The following FGFR1 variants were observed in gnomAD, a reference collection of about 807,000 sequenced individuals.
The protein encoded by FGFR1 is FGFR1/PLAG1 fusion.
Under a neutral mutation model 93.7 loss-of-function variants are expected in FGFR1, and 18 were observed. That is an observed-to-expected ratio of 0.19 (90% CI 0.13 to 0.28). The LOEUF (loss-of-function observed/expected upper bound fraction) is 0.28. Ranked by LOEUF, FGFR1 falls within the 10% of genes least tolerant of loss-of-function variation. FGFR1 has a pLI of 1.00. For missense variants in FGFR1, 731 were observed against 1,080.4 expected, an observed-to-expected ratio of 0.68 and a Z score of 4.53; for synonymous variants, 448 against 429.3, an observed-to-expected ratio of 1.04 and a Z score of -0.54.
intron 2 of FGFR1, among the ~76,000 whole-genome samples, chr8:38,444,590 C>A (rs1189549003): frequency 6.5e-5 from 8 of 122,772 alleles, no homozygotes; most frequent in Non-Finnish European, 1.4e-4. Context: ...CAGGGTTTTA[C>A]CATGTTGGCC....
At chr8:38,449,693 T>C (rs1830452861) in intron 2 of FGFR1, among the ~76,000 whole-genome samples, 1 of 152,084 alleles carries the variant, frequency 6.6e-6, no homozygotes, top group Non-Finnish European at 1.5e-5. Context: ...CCCGGGAGGC[T>C]CAGCCACGCC....
intron 9 of FGFR1, 150 bp downstream of exon 9, chr8:38,419,383 G>A (rs868576023): frequency 1.3e-6 from 1 of 751,536 alleles, no homozygotes; most frequent in East Asian, 2.7e-5. Context: ...ACAGACTCTA[G>A]AGCACTTAGT....
intron 2 of FGFR1, chr8:38,434,751 T>C (rs1824650232): frequency 6.4e-6 from 1 of 157,164 alleles, no homozygotes; most frequent in Non-Finnish European, 1.4e-5. Flanking sequence ...CTTGGTGCAG[T>C]GCGGCTTCCT....
chr8:38,415,987 T>C lies in FGFR1; in HGVS notation c.1737A>G (p.Pro579=). ...TGGGGTTGTAGCAGTATTCCAGCCC[T>C]GGGGGCCTCCGGGCCTGCAGGTACT... The part of the protein sequence containing the change: ...LREYLQARRP[P]GLEYCYNPSH... The change falls in exon 13 of 18, where the codon CCA becomes CCG. Residue 579 remains proline (P), a synonymous_variant. Transcript: ENST00000447712. 2 of 1,613,982 alleles carry C rather than the reference T, an allele frequency of 1.2e-6. No homozygotes were observed. The highest frequency in any genetic ancestry group is 1.7e-6 in the Non-Finnish European group (2 of 1,180,014).
Position 38,413,837 on chromosome 8 carries a change from G to A in FGFR1, c.2293-33C>T, listed in dbSNP as rs374586530. 50 of 1,613,530 alleles carry A rather than the reference G, an allele frequency of 3.1e-5. No individual in the cohort carries two copies. The highest frequency in any genetic ancestry group is 1.5e-4 in the Admixed American group (9 of 59,948). Reference sequence around the variant, plus strand: ...GGGCGAGAGGAAGCAGCGATGGGCCGGGCCCCTCCTCCCTGCTCAGGGAGG... The same window carrying A: ...GGGCGAGAGGAAGCAGCGATGGGCCAGGCCCCTCCTCCCTGCTCAGGGAGG... On this transcript the variant is annotated intron_variant, in intron 17 of 17. Coordinates refer to ENST00000447712, the MANE Select transcript of FGFR1 (RefSeq NM_023110.3). The surrounding 1 kb of genome is among the most constrained non-coding windows in gnomAD (Gnocchi z 4.2).
intron 13 of FGFR1, 52 bp from the exon 14 acceptor site, chr8:38,414,953 G>A (rs1367412091): frequency 6.6e-7 from 1 of 1,525,564 alleles, no homozygotes; most frequent in Non-Finnish European, 9.0e-7. Flanking sequence ...GGAGCTGGAA[G>A]GCTCTGGGCG....
Position 38,413,186 on chromosome 8 carries a change from G to A in FGFR1, c.*442C>T, listed in dbSNP as rs1228929237. 1 of 255,340 alleles carries A rather than the reference G, an allele frequency of 3.9e-6. No homozygotes were observed. Among genetic ancestry groups the A allele is most frequent in the African/African-American group, 2.2e-5 (1 of 45,944 alleles). 15.8% of individuals were successfully genotyped at this position (255,340 alleles called of 1,614,324 possible). A position where few individuals can be genotyped will look rare whatever the true frequency, so the allele number is the denominator to read the frequency against. The stretch of plus-strand genomic sequence containing the variant: ...ACCTTCAATCGAGGCACGAAGCACT[G>A]ACCTCCCTACTGCTGTAGCCCTGAG... On this transcript the variant is annotated 3_prime_UTR_variant, in exon 18 of 18. Transcript: ENST00000447712. The surrounding 1 kb of genome is among the most constrained non-coding windows in gnomAD (Gnocchi z 4.2).
At chr8:38,414,411 C>A (rs1380770821) in intron 15 of FGFR1, 122 bp from the exon 16 acceptor site, 4 of 1,558,338 alleles carry the variant, frequency 2.6e-6, no homozygotes, top group Admixed American at 1.8e-5. Flanking sequence ...CTTTCAACAT[C>A]TGGAGCAGAG....
chr8:38,413,579 T>G lies in FGFR1; in HGVS notation c.*49A>C. 6.4e-7 allele frequency: 1 copy of G among 1,554,382 alleles called. No homozygotes were observed. The highest frequency in any genetic ancestry group is 8.7e-7 in the Non-Finnish European group (1 of 1,147,196). ...TGGTGGGCCCAGCAGGGGCTGTGGG[T>G]GAGGGTTACAGCTGACGGTGGAGTC... is the stretch of plus-strand genomic sequence containing the variant. On this transcript the variant is annotated 3_prime_UTR_variant, in exon 18 of 18. Coordinates refer to ENST00000447712, the MANE Select transcript of FGFR1 (RefSeq NM_023110.3). The surrounding 1 kb of genome is among the most constrained non-coding windows in gnomAD (Gnocchi z 4.2).
intron 2 of FGFR1, among the ~76,000 whole-genome samples, chr8:38,437,738 G>A (rs1825921764): frequency 6.6e-6 from 1 of 152,206 alleles, no homozygotes; most frequent in Non-Finnish European, 1.5e-5. Flanking sequence ...TTTGTAAGTT[G>A]AGGGATAGAA....
intron 10 of FGFR1, 115 bp downstream of exon 10, chr8:38,418,113 C>T: frequency 6.2e-7 from 1 of 1,605,930 alleles, no homozygotes; most frequent in Non-Finnish European, 8.5e-7. Flanking sequence ...ATGAATGTTT[C>T]TGCAGGCATT....
chr8:38,444,354 T>C (rs570297808), intron 2 of FGFR1, among the ~76,000 whole-genome samples: 1 of 151,636 alleles, frequency 6.6e-6, no homozygotes, highest in African/African-American at 2.4e-5. Flanking sequence ...CATTTAGTAC[T>C]CTCAGTTTTA....
intron 9 of FGFR1, among the ~76,000 whole-genome samples, chr8:38,418,932 T>C (rs1817725325): frequency 6.6e-6 from 1 of 152,184 alleles, no homozygotes; most frequent in African/African-American, 2.4e-5. Context: ...GGTCATTGAC[T>C]CATGGGGGCA....
intron 2 of FGFR1, among the ~76,000 whole-genome samples, chr8:38,447,663 G>A (rs1037373180): frequency 1.3e-5 from 2 of 152,094 alleles, no homozygotes; most frequent in Non-Finnish European, 1.5e-5. Flanking sequence ...TGTATTTTTA[G>A]TAGAGAAGGG....
intron 7 of FGFR1, chr8:38,423,480 C>A (rs1819570389): frequency 3.1e-6 from 1 of 320,122 alleles, no homozygotes; most frequent in Non-Finnish European, 5.9e-6. Flanking sequence ...AACCACTATG[C>A]ACAGCTAATT....
intron 2 of FGFR1, among the ~76,000 whole-genome samples, chr8:38,431,484 CT>C (rs1374452927): frequency 1.3e-5 from 2 of 152,232 alleles, no homozygotes; most frequent in Non-Finnish European, 2.9e-5. Context: ...GTCACTCTGG[CT>C]CTTCACTGCC....
chr8:38,438,539 T>C (rs1033813622), intron 2 of FGFR1, among the ~76,000 whole-genome samples: 1 of 142,300 alleles, frequency 7.0e-6, no homozygotes, highest in Non-Finnish European at 1.5e-5. Flanking sequence ...CCAGACTCCG[T>C]CTCAAAAAAA....
At chr8:38,419,832 G>A (rs1818082975) in intron 8 of FGFR1, 97 bp from the exon 9 acceptor site, 3 of 1,098,504 alleles carry the variant, frequency 2.7e-6, no homozygotes, top group East Asian at 2.6e-5. Flanking sequence ...CCTGTCCCCT[G>A]GGAACTTTTA....
Position 38,424,626 on chromosome 8 carries a change from C to G in FGFR1, c.819G>C (p.Val273=), listed in dbSNP as rs779056585. The part of the protein sequence containing the change: ...ANKTVALGSN[V]EFMCKVYSDP... ...CACTGTACACCTTACACATGAACTCCACGTTGCTACCCAGGGCCACTGTTT... is the reference window on the plus strand; with the variant it reads ...CACTGTACACCTTACACATGAACTCGACGTTGCTACCCAGGGCCACTGTTT... The change falls in exon 7 of 18, where the codon GTG becomes GTC. Residue 273 remains valine (V), a synonymous_variant. Coordinates refer to ENST00000447712, the MANE Select transcript of FGFR1 (RefSeq NM_023110.3). This position sits in a 1 kb window ranked among gnomAD's most constrained non-coding sequence, Gnocchi z 4.3. 1.2e-6 allele frequency: 2 copies of G among 1,614,082 alleles called. No individual in the cohort carries two copies. The highest frequency in any genetic ancestry group is 1.7e-5 in the Admixed American group (1 of 60,026).
Sources: allele counts gnomAD v4.1 joint callset (sites outside exome capture counted in the v4.1 genomes callset), GRCh38; gene constraint gnomAD v4.1.1; non-coding constraint Gnocchi (gnomAD v3.1); transcripts MANE v1.5; gene names NCBI Gene and HGNC (gene_info 2026-07-23, HGNC 2026-07-21).